The following KPNA5 variants were observed in gnomAD, a reference collection of about 807,000 sequenced individuals.
The protein encoded by KPNA5 is karyopherin subunit alpha 5, also known as importin subunit alpha-6.
Under a neutral mutation model 71.3 loss-of-function variants are expected in KPNA5, and 46 were observed. The observed-to-expected ratio is 0.65, with a 90% CI of 0.51 to 0.83. KPNA5 has a LOEUF of 0.83. Ranked by LOEUF, KPNA5 falls within the 40% of genes least tolerant of loss-of-function variation. The pLI, the probability that KPNA5 is intolerant of heterozygous loss-of-function variation, is 0.00. For missense variants in KPNA5, 547 were observed against 628.3 expected (o/e 0.87, Z 1.38); for synonymous variants, 207 against 201.4 (o/e 1.03, Z -0.24).
chr6:116,682,091 C>T (rs1190738608), intron 1 of KPNA5, among the ~76,000 whole-genome samples: 1 of 151,910 alleles, frequency 6.6e-6, no homozygotes, highest in African/African-American at 2.4e-5. Context: ...ACGGTGAAAC[C>T]TCGTCTCTAC....
intron 8 of KPNA5, among the ~76,000 whole-genome samples, chr6:116,719,746 G>A (rs1779036658): frequency 6.6e-6 from 1 of 152,194 alleles, no homozygotes. Context: ...CTACTCAGGA[G>A]GCTGAGATGG....
intron 1 of KPNA5, among the ~76,000 whole-genome samples, chr6:116,688,335 A>C (rs1374504224): frequency 6.6e-6 from 1 of 152,148 alleles, no homozygotes; most frequent in Non-Finnish European, 1.5e-5. Flanking sequence ...TTCATAAGCT[A>C]ATTGGTCACA....
intron 7 of KPNA5, among the ~76,000 whole-genome samples, chr6:116,705,943 G>A (rs2114426715): frequency 6.6e-6 from 1 of 152,252 alleles, no homozygotes; most frequent in Non-Finnish European, 1.5e-5. Flanking sequence ...TTCTTGGCAT[G>A]GTTTCACTTA....
At position 116,735,055 on chromosome 6, in the gene KPNA5, G is replaced by T. The variant is rs1022303674; in HGVS notation, c.*2732G>T. The T allele has an allele frequency of 4.6e-5, 7 of 151,620 alleles. No individual in the cohort carries two copies. The highest frequency in any genetic ancestry group is 8.9e-5 in the Non-Finnish European group (6 of 67,722). The allele number at this position is 151,620 out of a possible 1,614,324, so 9.4% of individuals were successfully genotyped here. On this transcript the variant is annotated 3_prime_UTR_variant, in exon 14 of 14. Transcript: ENST00000368564. ...TATTTATAAGCACTTGACTCACTGG[G>T]TGTGGTCTTTTTACTGTGTTTTATT... is the stretch of plus-strand genomic sequence containing the variant.
intron 7 of KPNA5, among the ~76,000 whole-genome samples, chr6:116,711,756 G>A (rs1778697840): frequency 6.6e-6 from 1 of 151,994 alleles, no homozygotes; most frequent in Non-Finnish European, 1.5e-5. Context: ...TGAGTAGCTG[G>A]GATTACCGGC....
intron 6 of KPNA5, among the ~76,000 whole-genome samples, chr6:116,703,115 G>T (rs1252642924): frequency 2.0e-5 from 3 of 151,854 alleles, no homozygotes; most frequent in African/African-American, 7.3e-5. Flanking sequence ...ACCATAATTT[G>T]CCATCTGTTC....
At chr6:116,720,331 T>C (rs916563818) in intron 8 of KPNA5, among the ~76,000 whole-genome samples, 7 of 152,174 alleles carry the variant, frequency 4.6e-5, no homozygotes, top group African/African-American at 1.7e-4. Context: ...TTCACTTTTG[T>C]CTTTATATAT....
intron 4 of KPNA5, among the ~76,000 whole-genome samples, chr6:116,698,415 A>G (rs1042386294): frequency 9.2e-5 from 14 of 152,074 alleles, no homozygotes; most frequent in Admixed American, 1.3e-4. Flanking sequence ...GAAATAATCA[A>G]TGTTTTAAAG....
intron 8 of KPNA5, among the ~76,000 whole-genome samples, chr6:116,719,465 T>G (rs975123234): frequency 2.6e-5 from 4 of 152,218 alleles, no homozygotes; most frequent in Admixed American, 2.6e-4. Flanking sequence ...GTGAGACCAT[T>G]CAGTTTTTTT....
chr6:116,689,441 A>G lies in KPNA5; in HGVS notation c.126A>G (p.Lys42=), dbSNP rs766114666. 2.5e-6 allele frequency: 4 copies of G among 1,583,766 alleles called. No homozygotes were observed. The Admixed American group carries it at 7.7e-5, about 30-fold the overall frequency. The change falls in exon 2 of 14, where the codon AAA becomes AAG. Residue 42 remains lysine (K), a synonymous_variant. Transcript: ENST00000368564. ...AAGGAATACAGCTTAGAAAACAAAA[A>G]AGAGAAGAACAGGTAGGTGTTTTTA... ...EEEGIQLRKQ[K]REEQLFKRRN...
At chr6:116,705,752 G>A (rs564063816) in intron 7 of KPNA5, among the ~76,000 whole-genome samples, 1 of 152,202 alleles carries the variant, frequency 6.6e-6, no homozygotes, top group East Asian at 1.9e-4. Context: ...AATGCTAATG[G>A]CAGGTAGTGA....
In KPNA5 at chr6:116,739,359, A is replaced by G. The variant is rs918968886; in HGVS notation, c.*7036A>G. On this transcript the variant is annotated 3_prime_UTR_variant, in exon 14 of 14. Coordinates refer to ENST00000368564, the MANE Select transcript of KPNA5 (RefSeq NM_001366306.2). The stretch of plus-strand genomic sequence containing the variant: ...CAATGAAATAAAAGAGGATACAAAG[A>G]AATGGAAGAACATTCCATGCTCATG... 6.6e-6 allele frequency: 1 copy of G among 152,174 alleles called. No individual in the cohort carries two copies. The highest frequency in any genetic ancestry group is 2.4e-5 in the African/African-American group (1 of 41,428). 9.4% of individuals were successfully genotyped at this position (152,174 alleles called of 1,614,324 possible).
chr6:116,703,496 C>T (rs1778308675), intron 6 of KPNA5, among the ~76,000 whole-genome samples: 1 of 152,126 alleles, frequency 6.6e-6, no homozygotes, highest in South Asian at 2.1e-4. Flanking sequence ...CTCCTGACTT[C>T]AGGTGATCTG....
At chr6:116,721,948 A>G (rs1222706381) in intron 8 of KPNA5, among the ~76,000 whole-genome samples, 178 bp from the exon 9 acceptor site, 1 of 152,186 alleles carries the variant, frequency 6.6e-6, no homozygotes, top group Non-Finnish European at 1.5e-5. Context: ...AATATAACAT[A>G]ATAGTAGTCA....
chr6:116,722,398 A>G, intron 9 of KPNA5, 109 bp downstream of exon 9: 1 of 932,968 alleles, frequency 1.1e-6, no homozygotes, highest in Non-Finnish European at 1.5e-6. Flanking sequence ...AGGGAAAATT[A>G]AAAAGCTACT....
intron 13 of KPNA5, among the ~76,000 whole-genome samples, chr6:116,730,061 C>CTA (rs1182260849): frequency 1.4e-5 from 2 of 143,402 alleles, no homozygotes; most frequent in African/African-American, 5.1e-5. Context: ...TATGTATATA[C>CTA]TATATATATA....
In KPNA5 at chr6:116,741,293, A is replaced by G. The variant is rs1779864565; in HGVS notation, c.*8970A>G. The G allele has an allele frequency of 6.6e-6, 1 of 152,056 alleles. No homozygotes were observed. Among genetic ancestry groups the G allele is most frequent in the Admixed American group, 6.6e-5 (1 of 15,224 alleles). The allele number at this position is 152,056 out of a possible 1,614,324, so 9.4% of individuals were successfully genotyped here. On this transcript the variant is annotated 3_prime_UTR_variant, in exon 14 of 14. Transcript: ENST00000368564. ...ATTTTGAATTTTCCATATAGTTCTG[A>G]CGATTTTTTTGTGTTTTATATGTTT...
At chr6:116,703,606 A>G (rs1173784310) in intron 6 of KPNA5, among the ~76,000 whole-genome samples, 1 of 152,174 alleles carries the variant, frequency 6.6e-6, no homozygotes, top group Non-Finnish European at 1.5e-5. Flanking sequence ...TTTCAAAGTC[A>G]GACTCCAAGA....
rs983521227 is a variant in KPNA5 at position 116,740,554 on chromosome 6, T to C, written c.*8231T>C. The C allele has an allele frequency of 1.3e-5, 2 of 152,212 alleles. No individual in the cohort carries two copies. Among genetic ancestry groups the C allele is most frequent in the African/African-American group, 4.8e-5 (2 of 41,450 alleles). 9.4% of individuals were successfully genotyped at this position (152,212 alleles called of 1,614,324 possible). On this transcript the variant is annotated 3_prime_UTR_variant, in exon 14 of 14. Coordinates refer to ENST00000368564, the MANE Select transcript of KPNA5 (RefSeq NM_001366306.2). ...AAAGACACATGCACACATATGTTTA[T>C]TGCAGCACTATTCACGATAGCAAAG...
Sources: allele counts gnomAD v4.1 joint callset (sites outside exome capture counted in the v4.1 genomes callset), GRCh38; gene constraint gnomAD v4.1.1; transcripts MANE v1.5; gene names NCBI Gene and HGNC (gene_info 2026-07-23, HGNC 2026-07-21).